CPED1: variants seen among roughly 807,000 people sequenced by gnomAD.
CPED1 encodes cadherin like and PC-esterase domain containing 1.
A neutral mutation model predicts 128.2 loss-of-function variants in CPED1; 114 were observed. That is an observed-to-expected ratio of 0.89 (90% CI 0.76 to 1.04). The LOEUF is 1.04. CPED1 is among the 50% of genes least tolerant of loss of function. The pLI, the probability that CPED1 is intolerant of heterozygous loss-of-function variation, is 0.00. For missense variants in CPED1, 1,211 were observed against 1,207.1 expected (o/e 1.00, Z -0.05); for synonymous variants, 462 against 426.7 (o/e 1.08, Z -1.02).
intron 16 of CPED1, among the ~76,000 whole-genome samples, chr7:121,192,033 A>G (rs1797152631): frequency 6.6e-6 from 1 of 152,126 alleles, no homozygotes; most frequent in Non-Finnish European, 1.5e-5. Context: ...TTATGAGTAA[A>G]TTAGAGACCC....
chr7:121,238,128 G>A (rs570307980), intron 17 of CPED1, among the ~76,000 whole-genome samples: 3 of 152,294 alleles, frequency 2.0e-5, no homozygotes, highest in African/African-American at 7.2e-5. Flanking sequence ...AGAAGTGGCA[G>A]CTTGTTCTGT....
chr7:121,042,649 C>T lies in CPED1; in HGVS notation c.434-4238C>T, dbSNP rs565835496. On this transcript the variant is annotated intron_variant, in intron 3 of 22. Coordinates refer to ENST00000310396, the MANE Select transcript of CPED1 (RefSeq NM_024913.5). The stretch of plus-strand genomic sequence containing the variant: ...ATTCTCTTCCCACCACTAACTGGAA[C>T]GGCGAAGTTGGGCAAGTTATTTAAC... Among the ~76,000 whole-genome samples the T allele has an allele frequency of 1.4e-4, 22 of 152,198 alleles. 1 individual carries two copies. Among genetic ancestry groups the T allele is most frequent in the African/African-American group, 4.6e-4 (19 of 41,534 alleles).
chr7:121,215,989 A>G (rs1054147261), intron 16 of CPED1, among the ~76,000 whole-genome samples: 11 of 152,066 alleles, frequency 7.2e-5, no homozygotes, highest in African/African-American at 2.7e-4. Flanking sequence ...AATTAAGGCA[A>G]AAAGAGACTA....
Position 121,124,565 on chromosome 7 carries a change from A to G in CPED1, c.1061+92A>G, listed in dbSNP as rs894590216. On this transcript the variant is annotated intron_variant, in intron 8 of 22. Coordinates refer to ENST00000310396, the MANE Select transcript of CPED1 (RefSeq NM_024913.5). ...TTGGTGGAAATGTATCTTAATTATC[A>G]TAAGTAGGTGGTACTTGGAAAATTT... 4 of 1,024,742 alleles carry G rather than the reference A, an allele frequency of 3.9e-6. No homozygotes were observed. In the East Asian group the frequency reaches 8.8e-5, roughly 22 times the overall value. 63.5% of individuals were successfully genotyped at this position (1,024,742 alleles called of 1,614,324 possible).
intron 4 of CPED1, among the ~76,000 whole-genome samples, chr7:121,053,080 T>C (rs1273216072): frequency 6.6e-6 from 1 of 152,164 alleles, no homozygotes; most frequent in Non-Finnish European, 1.5e-5. Context: ...AATACAAAGA[T>C]TTTTCCAAAT....
At chr7:121,218,051 C>G (rs1236673180) in intron 16 of CPED1, among the ~76,000 whole-genome samples, 1 of 150,708 alleles carries the variant, frequency 6.6e-6, no homozygotes, top group East Asian at 2.0e-4. Context: ...GTGGCACAAT[C>G]TCGACTCACT....
chr7:121,138,214 A>G (rs1795825073), intron 14 of CPED1, among the ~76,000 whole-genome samples: 1 of 152,184 alleles, frequency 6.6e-6, no homozygotes, highest in African/African-American at 2.4e-5. Context: ...CAAGAGAGCA[A>G]TCAAATTCTG....
chr7:120,997,962 TAAAA>T, intron 2 of CPED1, among the ~76,000 whole-genome samples: 2 of 147,682 alleles, frequency 1.4e-5, no homozygotes, highest in Non-Finnish European at 3.0e-5. Context: ...TAAAATAAAA[TAAAA>T]TAAAATAAAA....
chr7:121,002,151 C>T (rs760236108), intron 2 of CPED1, among the ~76,000 whole-genome samples: 3 of 152,254 alleles, frequency 2.0e-5, no homozygotes, highest in Non-Finnish European at 4.4e-5. Flanking sequence ...TGAGTTTCCT[C>T]TTGATGTTTC....
intron 4 of CPED1, chr7:121,050,695 C>T (rs904802469): frequency 7.3e-6 from 3 of 408,406 alleles, no homozygotes; most frequent in African/African-American, 6.1e-5. Context: ...GAACTCCTGA[C>T]CTCAGGTGAT....
chr7:121,004,731 C>T (rs1403764815), intron 2 of CPED1, among the ~76,000 whole-genome samples: 1 of 150,708 alleles, frequency 6.6e-6, no homozygotes, highest in Non-Finnish European at 1.5e-5. Flanking sequence ...CCTTGGAAGA[C>T]CCTAAGAGTA....
intron 16 of CPED1, among the ~76,000 whole-genome samples, chr7:121,168,953 A>G (rs1258254777): frequency 6.6e-6 from 1 of 152,252 alleles, no homozygotes; most frequent in Non-Finnish European, 1.5e-5. Flanking sequence ...AAACAAGTTT[A>G]GAACCTCAAT....
rs113188685 is a variant in CPED1, at chr7:121,277,004, G to A, written c.2868+5574G>A. 9.9e-3 allele frequency among the ~76,000 whole-genome samples: 1,501 copies of A among 152,098 alleles called. 19 individuals are homozygous for A. Among genetic ancestry groups the A allele is most frequent in the African/African-American group, 0.035 (1,439 of 41,516 alleles). On this transcript the variant is annotated intron_variant, in intron 22 of 22. Transcript: ENST00000310396. Reference sequence around the variant, plus strand: ...GAAGAAGAACAAGTTAGAGAAGTTAGGAGATTTTTTTTTTCTAGAAGTCAG... The same window carrying A: ...GAAGAAGAACAAGTTAGAGAAGTTAAGAGATTTTTTTTTTCTAGAAGTCAG...
intron 7 of CPED1, among the ~76,000 whole-genome samples, chr7:121,100,605 A>G (rs140938238): frequency 6.6e-6 from 1 of 152,304 alleles, no homozygotes; most frequent in East Asian, 1.9e-4. Flanking sequence ...TTCAGGGAAG[A>G]ACTCAATAAT....
intron 5 of CPED1, among the ~76,000 whole-genome samples, chr7:121,072,445 T>A (rs948517486): frequency 2.8e-5 from 4 of 140,570 alleles, no homozygotes; most frequent in Admixed American, 7.7e-5. Context: ...GAATCTAGGA[T>A]AAATTTCCAT....
chr7:121,211,395 G>T (rs1797637732), intron 16 of CPED1, among the ~76,000 whole-genome samples: 1 of 152,082 alleles, frequency 6.6e-6, no homozygotes, highest in Non-Finnish European at 1.5e-5. Context: ...GAAGTCAGTG[G>T]AGCCTTAAAA....
At chr7:121,239,412 A>G (rs891742422) in intron 17 of CPED1, among the ~76,000 whole-genome samples, 2 of 152,150 alleles carry the variant, frequency 1.3e-5, no homozygotes, top group African/African-American at 2.4e-5. Flanking sequence ...CTAGAATTAA[A>G]TCTGTTGCTT....
chr7:121,280,788 G>A (rs73438283), intron 22 of CPED1, among the ~76,000 whole-genome samples: 6 of 152,228 alleles, frequency 3.9e-5, no homozygotes, highest in African/African-American at 1.4e-4. Context: ...TGTTTGTCAC[G>A]TTATTTTTAT....
intron 3 of CPED1, among the ~76,000 whole-genome samples, chr7:121,031,130 C>T (rs1027625720): frequency 1.3e-5 from 2 of 152,162 alleles, no homozygotes; most frequent in African/African-American, 2.4e-5. Context: ...TTATTGTATG[C>T]ATACACCATA....
Sources: gnomAD v4.1 joint callset for allele counts (sites outside exome capture counted in the v4.1 genomes callset) on GRCh38, gnomAD v4.1.1 for gene constraint, MANE v1.5 for transcripts, NCBI Gene and HGNC (gene_info 2026-07-23, HGNC 2026-07-21) for gene names.